Variants in ADGRG1 observed in about 807,000 individuals in gnomAD.
ADGRG1 encodes the protein 7-transmembrane protein with no EGF-like N-terminal domains-1.
ADGRG1 carries 53 observed loss-of-function variants against 73.5 expected under a neutral mutation model. The observed-to-expected ratio is 0.72, with a 90% CI of 0.58 to 0.91. The LOEUF is 0.91. ADGRG1 is among the 40% of genes least tolerant of loss of function. The pLI, the probability that ADGRG1 is intolerant of heterozygous loss-of-function variation, is 0.00. For missense variants in ADGRG1, 795 were observed against 871.8 expected, an observed-to-expected ratio of 0.91 and a Z score of 1.11; for synonymous variants, 394 against 374.4, an observed-to-expected ratio of 1.05 and a Z score of -0.60.
At chr16:57,623,123 C>T, upstream of ADGRG1, 2 of 973,788 alleles carry the variant, frequency 2.1e-6, no homozygotes, top group Non-Finnish European at 2.4e-6. Flanking sequence ...GTCTTCTCCT[C>T]TCACAAATGG....
At chr16:57,620,598 T>C (rs2034598632), upstream of ADGRG1, among the ~76,000 whole-genome samples, 1 of 152,098 alleles carries the variant, frequency 6.6e-6, no homozygotes, top group African/African-American at 2.4e-5. Flanking sequence ...GACTTTTGAC[T>C]GGGGAGGAGA....
intron 8 of ADGRG1, 26 bp downstream of exon 8, chr16:57,656,297 G>C: frequency 6.2e-7 from 1 of 1,602,604 alleles, no homozygotes; most frequent in Non-Finnish European, 8.5e-7. Context: ...TCTCTGGGCT[G>C]GACAAGTATC....
chr16:57,637,682 T>A (rs3848270), intron 1 of ADGRG1: 494,714 of 984,938 alleles, frequency 0.5, 126,577 homozygotes, highest in African/African-American at 0.76. Flanking sequence ...GGGCCTGCAG[T>A]GAGACAATAG....
At chr16:57,631,578 G>A (rs2037930074) in intron 1 of ADGRG1, 10 of 985,604 alleles carry the variant, frequency 1.0e-5, no homozygotes, top group Non-Finnish European at 1.1e-5. Flanking sequence ...CCCATGCTGG[G>A]GGTGGCCCTG....
chr16:57,636,098 G>T, intron 1 of ADGRG1: 1 of 985,388 alleles, frequency 1.0e-6, no homozygotes, highest in South Asian at 4.7e-5. Flanking sequence ...AGCCCATGGG[G>T]AGCCCAGGTG....
At position 57,644,208 on chromosome 16, in the gene ADGRG1, G is replaced by C. The variant is rs576671636; in HGVS notation, c.-35-6045G>C. On this transcript the variant is annotated intron_variant, in intron 1 of 13. Transcript: ENST00000562631. ...CCTGGCCCCATGCATCCCTGTGTAT[G>C]CACGGGCACACGCACTCATGCACAC... is the stretch of plus-strand genomic sequence containing the variant. 57 of 984,378 alleles carry C rather than the reference G, an allele frequency of 5.8e-5. No homozygotes were observed. In the South Asian group the frequency reaches 1.4e-3, roughly 24 times the overall value. The allele number at this position is 984,378 out of a possible 1,614,324, so 61.0% of individuals were successfully genotyped here.
In ADGRG1 at chr16:57,653,345, G is replaced by A. The variant is rs760398279; in HGVS notation, c.620+10G>A. The A allele has an allele frequency of 1.2e-6, 2 of 1,606,980 alleles. No individual in the cohort carries two copies. The highest frequency in any genetic ancestry group is 1.1e-5 in the South Asian group (1 of 91,062). On this transcript the variant is annotated intron_variant, in intron 4 of 13. Transcript: ENST00000562631. ...CTGCCCCCGCCAGCCAGTAAGTTTG[G>A]CACCTGGGGCTGTGAGGGGAGGCAG... is the stretch of plus-strand genomic sequence containing the variant.
intron 1 of ADGRG1, chr16:57,633,684 T>A: frequency 4.8e-6 from 1 of 208,996 alleles, no homozygotes; most frequent in Non-Finnish European, 8.3e-6. Context: ...GAGGATTAAG[T>A]GAGCCTCTGT....
At chr16:57,652,588 T>C in intron 3 of ADGRG1, 1 of 981,726 alleles carries the variant, frequency 1.0e-6, no homozygotes, top group African/African-American at 1.8e-5. Flanking sequence ...CTGTAGAGGG[T>C]TTTTAAAAAA....
chr16:57,663,911 G>A lies in ADGRG1; in HGVS notation c.*329G>A, dbSNP rs1453809909. ...CCCCTGGGCCCAGCCCTCATTGCTG[G>A]GGGCCAGGCCTTGGATCTTGAGGGT... On this transcript the variant is annotated 3_prime_UTR_variant, in exon 14 of 14. Transcript: ENST00000562631. 3 of 427,750 alleles carry A rather than the reference G, an allele frequency of 7.0e-6. No individual in the cohort carries two copies. Among genetic ancestry groups the A allele is most frequent in the Admixed American group, 7.6e-5 (2 of 26,238 alleles). 26.5% of individuals were successfully genotyped at this position (427,750 alleles called of 1,614,324 possible). A position where few individuals can be genotyped will look rare whatever the true frequency, so the allele number is the denominator to read the frequency against.
Position 57,651,641 on chromosome 16 carries a change from G to C in ADGRG1, c.487+19G>C, listed in dbSNP as rs202130174. The C allele has an allele frequency of 6.2e-7, 1 of 1,610,142 alleles. No individual in the cohort carries two copies. The highest frequency in any genetic ancestry group is 1.3e-5 in the African/African-American group (1 of 74,850). On this transcript the variant is annotated intron_variant, in intron 3 of 13. Transcript: ENST00000562631. ...TTCCACAGTAAGGCAACTTCCAGGC[G>C]GAGGGAACAACTGGGCAGTGGTCTA...
At chr16:57,626,179 C>T (rs930246616), upstream of ADGRG1, among the ~76,000 whole-genome samples, 2 of 152,156 alleles carry the variant, frequency 1.3e-5, no homozygotes, top group African/African-American at 4.8e-5. Context: ...AGCTGTGCGA[C>T]CTTGGCTAAG....
intron 1 of ADGRG1, chr16:57,639,693 C>G (rs1366721849): frequency 1.0e-6 from 1 of 978,588 alleles, no homozygotes; most frequent in Non-Finnish European, 1.2e-6. Context: ...CGCCTCCTCT[C>G]CCCTCCTCCC....
chr16:57,653,564 C>T (rs996260743), intron 4 of ADGRG1: 4 of 985,428 alleles, frequency 4.1e-6, no homozygotes, highest in Non-Finnish European at 4.8e-6. Flanking sequence ...GCCCTCCTCC[C>T]CCTCATAAAG....
chr16:57,633,041 C>T (rs931116604), intron 1 of ADGRG1: 1 of 773,230 alleles, frequency 1.3e-6, no homozygotes, highest in South Asian at 5.9e-5. Flanking sequence ...CTAGTACCCC[C>T]AGCCTGGATG....
rs527916617 is a variant in ADGRG1, at chr16:57,636,903, G to A, written c.-36+8101G>A. Among the ~76,000 whole-genome samples the A allele has an allele frequency of 3.3e-5, 5 of 152,290 alleles. No individual in the cohort carries two copies. In the South Asian group the frequency reaches 8.3e-4, roughly 25 times the overall value. On this transcript the variant is annotated intron_variant, in intron 1 of 13. Coordinates refer to ENST00000562631, the MANE Select transcript of ADGRG1 (RefSeq NM_201525.4). ...TACGGGTAATAAATCACATGGAAGC[G>A]AGTGATGGATACGGAAGATAATTTT...
In ADGRG1 at chr16:57,659,482, G is replaced by A. The variant is rs151020094; in HGVS notation, c.1356G>A (p.Thr452=). ...NLLLAVFLLD[T]SFLLSEPVAL... ...TGCTGGCCGTCTTCCTGCTGGACAC[G>A]AGCTTCCTGCTCAGCGAGCCGGTGG... Residue 452 remains threonine, a synonymous_variant, in exon 11 of 14, where the codon ACG becomes ACA. Transcript: ENST00000562631. The A allele has an allele frequency of 9.3e-5, 150 of 1,613,826 alleles. No homozygotes were observed. The African/African-American group carries it at 1.6e-3, about 17-fold the overall frequency.
rs188358284 is a variant in ADGRG1 at position 57,652,770 on chromosome 16, C to T, written c.488-433C>T. The T allele has an allele frequency of 1.9e-5, 20 of 1,056,236 alleles. No homozygotes were observed. In the East Asian group the frequency reaches 1.5e-3, roughly 78 times the overall value. 65.4% of individuals were successfully genotyped at this position (1,056,236 alleles called of 1,614,324 possible). ...AGCTAATCCCTGGAGACACCTTAGT[C>T]GGCCGCCTTAGTAGGCCGCCCACGC... On this transcript the variant is annotated intron_variant, in intron 3 of 13. Coordinates refer to ENST00000562631, the MANE Select transcript of ADGRG1 (RefSeq NM_201525.4).
chr16:57,623,578 C>T (rs1035869015), upstream of ADGRG1, among the ~76,000 whole-genome samples: 8 of 152,234 alleles, frequency 5.3e-5, no homozygotes, highest in Non-Finnish European at 7.3e-5. Context: ...CCCGTTTTAG[C>T]GATGAGGATG....
Sources: allele counts gnomAD v4.1 joint callset (sites outside exome capture counted in the v4.1 genomes callset), GRCh38; gene constraint gnomAD v4.1.1; transcripts MANE v1.5; gene names NCBI Gene and HGNC (gene_info 2026-07-23, HGNC 2026-07-21).